The following RTN1 variants were observed in gnomAD, a reference collection of about 807,000 sequenced individuals.
RTN1 encodes reticulon-1.
RTN1 carries 25 observed loss-of-function variants against 65.5 expected under a neutral mutation model. The observed-to-expected ratio is 0.38, with a 90% confidence interval of 0.28 to 0.53. The LOEUF (loss-of-function observed/expected upper bound fraction) is 0.53, where lower values mean the gene tolerates loss of function less well. RTN1 is among the 20% of genes least tolerant of loss of function. The pLI is 0.79. For missense variants in RTN1, 983 were observed against 1,025.4 expected, an observed-to-expected ratio of 0.96 and a Z score of 0.57; for synonymous variants, 471 against 447.6, an observed-to-expected ratio of 1.05 and a Z score of -0.66.
intron 1 of RTN1, among the ~76,000 whole-genome samples, chr14:59,765,407 T>G (rs1885831125): frequency 6.6e-6 from 1 of 152,200 alleles, no homozygotes; most frequent in Non-Finnish European, 1.5e-5. Context: ...AGGTAATGAA[T>G]TTCCAAGGAC....
chr14:59,614,348 C>T (rs1033758840), intron 3 of RTN1, among the ~76,000 whole-genome samples: 1 of 152,018 alleles, frequency 6.6e-6, no homozygotes, highest in Non-Finnish European at 1.5e-5. Context: ...AGCCAGTCAT[C>T]CAATTAAGAA....
intron 1 of RTN1, among the ~76,000 whole-genome samples, chr14:59,780,970 C>T (rs140371281): frequency 5.7e-4 from 87 of 152,314 alleles, no homozygotes; most frequent in Admixed American, 5.5e-3. Flanking sequence ...CTGGATGCCA[C>T]TCCAGGGCAT....
At chr14:59,644,966 C>T (rs980015897) in intron 3 of RTN1, among the ~76,000 whole-genome samples, 1 of 151,548 alleles carries the variant, frequency 6.6e-6, no homozygotes, top group African/African-American at 2.4e-5. Flanking sequence ...AGGGGGAGGA[C>T]AGGCCACCAT....
intron 3 of RTN1, among the ~76,000 whole-genome samples, chr14:59,692,138 A>G (rs1316269694): frequency 6.6e-6 from 1 of 152,202 alleles, no homozygotes; most frequent in African/African-American, 2.4e-5. Context: ...AGGAAGTCGA[A>G]CTATCTCTCT....
chr14:59,851,992 C>T (rs984313371), intron 1 of RTN1, among the ~76,000 whole-genome samples: 1 of 152,130 alleles, frequency 6.6e-6, no homozygotes, highest in African/African-American at 2.4e-5. Context: ...TTTGCTCTTT[C>T]CAGACTTTTG....
intron 1 of RTN1, among the ~76,000 whole-genome samples, chr14:59,751,576 A>G (rs1885523581): frequency 6.6e-6 from 1 of 152,184 alleles, no homozygotes; most frequent in Non-Finnish European, 1.5e-5. Context: ...ATATAAATGA[A>G]TAGTCTGGAG....
intron 3 of RTN1, among the ~76,000 whole-genome samples, chr14:59,644,264 C>T (rs1475932257): frequency 6.6e-6 from 1 of 152,194 alleles, no homozygotes; most frequent in Non-Finnish European, 1.5e-5. Flanking sequence ...ACTCAATCCA[C>T]AAAGAATGGA....
chr14:59,749,310 A>ATATATATC (rs1566711452), intron 1 of RTN1, among the ~76,000 whole-genome samples: 4 of 30,646 alleles, frequency 1.3e-4, no homozygotes, highest in African/African-American at 6.9e-4. Flanking sequence ...ATATATATCT[A>ATATATATC]TATATATATC....
rs1027043773 is a variant in RTN1 at position 59,868,362 on chromosome 14, G to A, written c.241+2028C>T. On this transcript the variant is annotated intron_variant, in intron 1 of 8. Transcript: ENST00000267484. This position sits in a 1 kb window ranked among gnomAD's most constrained non-coding sequence, Gnocchi z 4.0. ...TTCTTCATTCTTCTCCCATCCAAACGTAGTATCATGTTTGATTTTATTACT... is the reference window on the plus strand; with the variant it reads ...TTCTTCATTCTTCTCCCATCCAAACATAGTATCATGTTTGATTTTATTACT... Among the ~76,000 whole-genome samples the A allele has an allele frequency of 2.0e-5, 3 of 151,980 alleles. No individual in the cohort carries two copies. Among genetic ancestry groups the A allele is most frequent in the Admixed American group, 1.3e-4 (2 of 15,248 alleles).
chr14:59,641,555 G>A (rs1257495600), intron 3 of RTN1, among the ~76,000 whole-genome samples: 1 of 152,004 alleles, frequency 6.6e-6, no homozygotes, highest in Non-Finnish European at 1.5e-5. Flanking sequence ...ATTTTTAGTA[G>A]AAACAGGGTT....
rs1386010238 is a variant in RTN1, at chr14:59,603,058, G to C, written c.2288+7C>G. On this transcript the variant is annotated splice_region_variant and intron_variant, in intron 8 of 8. Coordinates refer to ENST00000267484, the MANE Select transcript of RTN1 (RefSeq NM_021136.3). ...TCTCCTTTTATGCATTGCACTATGTGACTTACTTTGCCACAACAGCATTTA... is the reference window on the plus strand; with the variant it reads ...TCTCCTTTTATGCATTGCACTATGTCACTTACTTTGCCACAACAGCATTTA... 1 of 1,612,416 alleles carries C rather than the reference G, an allele frequency of 6.2e-7. No homozygotes were observed. The highest frequency in any genetic ancestry group is 8.5e-7 in the Non-Finnish European group (1 of 1,178,912).
intron 3 of RTN1, among the ~76,000 whole-genome samples, chr14:59,706,651 CAGA>C (rs1440577002): frequency 7.2e-5 from 11 of 152,214 alleles, no homozygotes; most frequent in African/African-American, 2.2e-4. Flanking sequence ...CACATAAACA[CAGA>C]AGAATTCACA....
Position 59,718,309 on chromosome 14 carries a change from T to C in RTN1, c.1765+8610A>G, listed in dbSNP as rs151076873. 7.2e-5 allele frequency among the ~76,000 whole-genome samples: 11 copies of C among 152,362 alleles called. No homozygotes were observed. In the East Asian group the frequency reaches 2.1e-3, roughly 29 times the overall value. ...GAGCTGAAGTAACCAGACTGAGTGA[T>C]GTGCTTGCCTCAACTTGAAGCCCCA... On this transcript the variant is annotated intron_variant, in intron 3 of 8. Coordinates refer to ENST00000267484, the MANE Select transcript of RTN1 (RefSeq NM_021136.3).
chr14:59,725,411 T>C (rs1176887267), intron 3 of RTN1, among the ~76,000 whole-genome samples: 1 of 152,212 alleles, frequency 6.6e-6, no homozygotes, highest in African/African-American at 2.4e-5. Context: ...AGCTTGACTG[T>C]TTTGGGGCCC....
intron 3 of RTN1, among the ~76,000 whole-genome samples, chr14:59,610,438 C>G (rs1881912765): frequency 6.6e-6 from 1 of 152,166 alleles, no homozygotes; most frequent in Non-Finnish European, 1.5e-5. Context: ...GTTCAAAGCA[C>G]TCTCATATGT....
At chr14:59,798,984 A>G (rs1036646409) in intron 1 of RTN1, among the ~76,000 whole-genome samples, 3 of 152,208 alleles carry the variant, frequency 2.0e-5, no homozygotes, top group East Asian at 3.8e-4. Context: ...TTGAAAAACA[A>G]TTGCCAGATT....
intron 1 of RTN1, among the ~76,000 whole-genome samples, chr14:59,783,913 C>CA (rs35470675): frequency 0.19 from 19,909 of 104,078 alleles, 1,570 homozygotes; most frequent in South Asian, 0.33. Context: ...AATCTGGGGG[C>CA]AAAAAAAAAA....
intron 1 of RTN1, among the ~76,000 whole-genome samples, chr14:59,812,233 A>G (rs1430659955): frequency 6.6e-6 from 1 of 152,196 alleles, no homozygotes; most frequent in Non-Finnish European, 1.5e-5. Context: ...CAAAATTACC[A>G]TTAAAATCAC....
At position 59,745,999 on chromosome 14, in the gene RTN1, G is replaced by C. The variant is rs1415896135; in HGVS notation, c.724C>G (p.Pro242Ala). ...ATGATTTTTCCCTCCACAGGAGCTG[G>C]TTTGTCAGGTTCACGGACTCCTTCA... Reference protein sequence around the residue: ...KPEGVREPDKPAPVEGKIIKD... With the variant: ...KPEGVREPDKAAPVEGKIIKD... The change falls in exon 2 of 9, where the codon CCA becomes GCA. Residue 242 changes from proline (P) to alanine (A), a missense_variant. By Grantham distance (27) the Pro-to-Ala change is conservative. Transcript: ENST00000267484. 1 of 1,614,108 alleles carries C rather than the reference G, an allele frequency of 6.2e-7. No individual in the cohort carries two copies. Among genetic ancestry groups the C allele is most frequent in the South Asian group, 1.1e-5 (1 of 91,068 alleles).
Sources: allele counts gnomAD v4.1 joint callset (sites outside exome capture counted in the v4.1 genomes callset), GRCh38; gene constraint gnomAD v4.1.1; non-coding constraint Gnocchi (gnomAD v3.1); transcripts MANE v1.5; gene names NCBI Gene and HGNC (gene_info 2026-07-23, HGNC 2026-07-21).